The following FARP1 variants were observed in gnomAD, a reference collection of about 807,000 sequenced individuals.
FARP1 encodes the protein FERM, ARH/RhoGEF and pleckstrin domain protein 1.
A neutral mutation model predicts 128.8 loss-of-function variants in FARP1; 52 were observed. The ratio of observed to expected loss-of-function variants is 0.40; its 90% CI spans 0.32 to 0.51. The LOEUF (loss-of-function observed/expected upper bound fraction) is 0.51. FARP1 is among the 20% of genes least tolerant of loss of function. The probability of loss-of-function intolerance (pLI) is 0.45; values close to 1 mark genes in which losing one functional copy is unlikely to be tolerated. For missense variants in FARP1, 1,333 were observed against 1,367.9 expected, an observed-to-expected ratio of 0.97 and a Z score of 0.40; for synonymous variants, 580 against 551.8, an observed-to-expected ratio of 1.05 and a Z score of -0.72.
intron 1 of FARP1, among the ~76,000 whole-genome samples, chr13:98,164,216 T>G (rs1411839611): frequency 6.6e-6 from 1 of 152,192 alleles, no homozygotes; most frequent in Non-Finnish European, 1.5e-5. Context: ...ATGGATAGTT[T>G]GCCTCCATTT....
intron 2 of FARP1, among the ~76,000 whole-genome samples, chr13:98,308,539 A>G (rs1266536213): frequency 6.6e-6 from 1 of 152,234 alleles, no homozygotes; most frequent in African/African-American, 2.4e-5. Flanking sequence ...CACCTGAGAC[A>G]TGGCTCCTCC....
At chr13:98,367,133 AGATGATGATGAT>A (rs111823714) in intron 4 of FARP1, among the ~76,000 whole-genome samples, 18 of 148,704 alleles carry the variant, frequency 1.2e-4, no homozygotes, top group African/African-American at 2.2e-4. Flanking sequence ...TGCAAATCAC[AGATGATGATGAT>A]GATGATGATG....
chr13:98,155,466 G>C (rs1348876521), intron 1 of FARP1, among the ~76,000 whole-genome samples: 1 of 152,024 alleles, frequency 6.6e-6, no homozygotes, highest in Non-Finnish European at 1.5e-5. Context: ...TTCTCCCAGA[G>C]TGAGTGAACC....
intron 2 of FARP1, among the ~76,000 whole-genome samples, chr13:98,250,444 C>T (rs111861276): frequency 0.015 from 2,243 of 152,104 alleles, 61 homozygotes; most frequent in African/African-American, 0.047. Flanking sequence ...ATATGAGGGC[C>T]GGGCACGGTG....
At chr13:98,366,623 A>G (rs1170210281) in intron 4 of FARP1, among the ~76,000 whole-genome samples, 1 of 152,222 alleles carries the variant, frequency 6.6e-6, no homozygotes, top group Non-Finnish European at 1.5e-5. Flanking sequence ...TCTCCTCCAT[A>G]TGCTGTGACA....
At chr13:98,437,102 A>C (rs1212770401) in intron 19 of FARP1, among the ~76,000 whole-genome samples, 1 of 152,182 alleles carries the variant, frequency 6.6e-6, no homozygotes, top group Non-Finnish European at 1.5e-5. Context: ...GACATAATAC[A>C]TATTAATTAT....
At chr13:98,223,696 G>C (rs1881570974) in intron 2 of FARP1, among the ~76,000 whole-genome samples, 2 of 152,228 alleles carry the variant, frequency 1.3e-5, no homozygotes, top group South Asian at 2.1e-4. Flanking sequence ...AGGATTCTTA[G>C]TGATTATGTA....
At chr13:98,394,936 A>C (rs1890458033) in intron 12 of FARP1, among the ~76,000 whole-genome samples, 1 of 152,096 alleles carries the variant, frequency 6.6e-6, no homozygotes, top group Non-Finnish European at 1.5e-5. Context: ...CCCTCCAAAA[A>C]AGAAAAGCAA....
chr13:98,403,840 T>G (rs1890868835), intron 13 of FARP1: 1 of 152,258 alleles, frequency 6.6e-6, no homozygotes, highest in Non-Finnish European at 1.5e-5. Context: ...CTTGTTGATC[T>G]AAACTGAAGG....
At chr13:98,159,308 T>A (rs1876707331) in intron 1 of FARP1, among the ~76,000 whole-genome samples, 1 of 152,184 alleles carries the variant, frequency 6.6e-6, no homozygotes, top group Admixed American at 6.5e-5. Flanking sequence ...TTATGCCCAA[T>A]GTCACACAGC....
intron 2 of FARP1, among the ~76,000 whole-genome samples, chr13:98,226,476 C>CTT (rs61064188): frequency 0.29 from 41,826 of 145,880 alleles, 6,318 homozygotes; most frequent in Middle Eastern, 0.44. Flanking sequence ...AGGACTTCAT[C>CTT]TTTTTTTTTT....
At chr13:98,307,439 C>T (rs1373906472) in intron 2 of FARP1, among the ~76,000 whole-genome samples, 4 of 152,166 alleles carry the variant, frequency 2.6e-5, no homozygotes, top group African/African-American at 4.8e-5. Flanking sequence ...TCCTTGACCT[C>T]TGACTTGCCC....
chr13:98,252,003 A>C (rs1264781836), intron 2 of FARP1, among the ~76,000 whole-genome samples: 3 of 145,558 alleles, frequency 2.1e-5, no homozygotes, highest in Non-Finnish European at 4.5e-5. Context: ...TCCTGCCACC[A>C]TGCCCGGTTA....
intron 2 of FARP1, among the ~76,000 whole-genome samples, chr13:98,258,972 C>T (rs916392071): frequency 3.3e-5 from 5 of 152,156 alleles, no homozygotes; most frequent in African/African-American, 1.2e-4. Flanking sequence ...CTTTGGGAGG[C>T]CAAGGCGGGA....
At chr13:98,146,142 C>A (rs1875536494) in intron 1 of FARP1, among the ~76,000 whole-genome samples, 2 of 152,152 alleles carry the variant, frequency 1.3e-5, no homozygotes, top group Non-Finnish European at 2.9e-5. Flanking sequence ...AGGCTGGTTT[C>A]TGCAGGCAGA....
chr13:98,155,506 T>G (rs936931200), intron 1 of FARP1, among the ~76,000 whole-genome samples: 2 of 151,950 alleles, frequency 1.3e-5, no homozygotes, highest in African/African-American at 4.8e-5. Flanking sequence ...ACTGCTGTGG[T>G]TTTTTTAAGT....
chr13:98,349,544 G>A (rs550506500), intron 3 of FARP1, among the ~76,000 whole-genome samples: 34 of 151,820 alleles, frequency 2.2e-4, no homozygotes, highest in African/African-American at 7.5e-4. Flanking sequence ...GGTGGCACGC[G>A]TCTATATTCG....
intron 2 of FARP1, among the ~76,000 whole-genome samples, chr13:98,336,410 C>G (rs1442086048): frequency 1.3e-5 from 2 of 152,060 alleles, no homozygotes; most frequent in Non-Finnish European, 2.9e-5. Context: ...GCTGGGACTA[C>G]AGGCACGCGC....
chr13:98,363,121 T>C (rs1888941103), intron 3 of FARP1, among the ~76,000 whole-genome samples: 1 of 152,164 alleles, frequency 6.6e-6, no homozygotes. Flanking sequence ...CCCCATGGGG[T>C]AGTTCCTTCC....
Sources: gnomAD v4.1 joint callset for allele counts (sites outside exome capture counted in the v4.1 genomes callset) on GRCh38, gnomAD v4.1.1 for gene constraint, MANE v1.5 for transcripts, NCBI Gene and HGNC (gene_info 2026-07-23, HGNC 2026-07-21) for gene names.